Variants in CTNNA3 observed in about 807,000 individuals in gnomAD.
The protein encoded by CTNNA3 is catenin alpha 3, also known as catenin alpha-3.
In CTNNA3, 76 loss-of-function variants were observed where a neutral mutation model predicts 95.7. That is an observed-to-expected ratio of 0.79 (90% CI 0.66 to 0.96). The LOEUF is 0.96. Among genes scored for constraint, CTNNA3 ranks in the 40% least tolerant of loss-of-function variants. The pLI is 0.00. For synonymous variants in CTNNA3, 431 were observed against 374.4 expected, an observed-to-expected ratio of 1.15 and a Z score of -1.74; for missense variants, 1,191 against 1,089.8, an observed-to-expected ratio of 1.09 and a Z score of -1.31.
intron 1 of CTNNA3, among the ~76,000 whole-genome samples, chr10:67,748,474 C>A (rs1371256583): frequency 6.6e-6 from 1 of 152,072 alleles, no homozygotes; most frequent in Non-Finnish European, 1.5e-5. Context: ...AAAAGAATTT[C>A]CAACCCAGAA....
chr10:66,880,361 TA>T (rs1237089011), intron 7 of CTNNA3, among the ~76,000 whole-genome samples: 1 of 152,100 alleles, frequency 6.6e-6, no homozygotes, highest in Non-Finnish European at 1.5e-5. Flanking sequence ...TATCAGAGTG[TA>T]TTCCCCAAGT....
At chr10:66,321,658 CTGAT>C (rs2092187686) in intron 12 of CTNNA3, among the ~76,000 whole-genome samples, 1 of 152,070 alleles carries the variant, frequency 6.6e-6, no homozygotes, top group Non-Finnish European at 1.5e-5. Context: ...TTTCAAAATA[CTGAT>C]TGTTTCCATA....
intron 5 of CTNNA3, among the ~76,000 whole-genome samples, chr10:67,357,514 C>G (rs1485748317): frequency 6.6e-6 from 1 of 151,910 alleles, no homozygotes; most frequent in African/African-American, 2.4e-5. Context: ...GGAAGAAAAC[C>G]TAACAACACA....
intron 13 of CTNNA3, among the ~76,000 whole-genome samples, chr10:66,229,689 G>A (rs1483475508): frequency 3.3e-5 from 5 of 151,768 alleles, no homozygotes; most frequent in Admixed American, 2.6e-4. Flanking sequence ...AGTATAGTTT[G>A]CCTCAGAGGG....
At chr10:67,726,403 TATATC>T (rs1841218960) in intron 1 of CTNNA3, among the ~76,000 whole-genome samples, 2 of 37,526 alleles carry the variant, frequency 5.3e-5, no homozygotes, top group Non-Finnish European at 7.7e-5. Context: ...TATTATATAT[TATATC>T]ATATATAATA....
chr10:67,732,909 C>CAA (rs33910867), intron 1 of CTNNA3, among the ~76,000 whole-genome samples: 44,548 of 130,242 alleles, frequency 0.34, 7,333 homozygotes, highest in African/African-American at 0.58. Context: ...CACACACACA[C>CAA]ACATTCTCTC....
chr10:66,774,393 T>C (rs752912951), intron 8 of CTNNA3, among the ~76,000 whole-genome samples: 3 of 152,200 alleles, frequency 2.0e-5, no homozygotes, highest in Non-Finnish European at 4.4e-5. Flanking sequence ...ACCTGCTTTC[T>C]CATTTGCATC....
rs569983271 is a variant in CTNNA3 at position 66,194,915 on chromosome 10, T to C, written c.1884+85555A>G. On this transcript the variant is annotated intron_variant, in intron 13 of 17. Transcript: ENST00000433211. ...GAATCCCTCAGTATATTTTATGTTATGCAATCAATGCAAAGGAATGAACTT... is the reference window on the plus strand; with the variant it reads ...GAATCCCTCAGTATATTTTATGTTACGCAATCAATGCAAAGGAATGAACTT... Among the ~76,000 whole-genome samples, 18 of 152,340 alleles carry C rather than the reference T, an allele frequency of 1.2e-4. No homozygotes were observed. In the South Asian group the frequency reaches 3.7e-3, roughly 32 times the overall value.
intron 16 of CTNNA3, among the ~76,000 whole-genome samples, chr10:65,976,781 T>C (rs762992460): frequency 1.3e-5 from 2 of 152,172 alleles, no homozygotes; most frequent in African/African-American, 2.4e-5. Flanking sequence ...GCCACTTTTA[T>C]GTATTCAGGT....
chr10:66,778,979 A>C (rs1283151219), intron 7 of CTNNA3, among the ~76,000 whole-genome samples: 5 of 152,176 alleles, frequency 3.3e-5, no homozygotes, highest in Admixed American at 6.5e-5. Flanking sequence ...CATATCAAAA[A>C]ACATTTAAAT....
At chr10:66,434,394 C>A (rs1384042042) in intron 11 of CTNNA3, among the ~76,000 whole-genome samples, 1 of 152,074 alleles carries the variant, frequency 6.6e-6, no homozygotes. Context: ...GTATTTTATT[C>A]TCTTTCTAGC....
chr10:67,364,461 G>C (rs1843128761), intron 5 of CTNNA3, among the ~76,000 whole-genome samples: 1 of 152,306 alleles, frequency 6.6e-6, no homozygotes, highest in South Asian at 2.1e-4. Flanking sequence ...AGTGTTGGAA[G>C]TCCTGGCCAG....
chr10:66,604,898 G>A (rs539628164), intron 10 of CTNNA3, among the ~76,000 whole-genome samples: 1 of 151,986 alleles, frequency 6.6e-6, no homozygotes, highest in East Asian at 1.9e-4. Flanking sequence ...AAAAGCCAAA[G>A]TGCCTTTTGT....
chr10:66,113,437 C>T (rs2082194115), intron 13 of CTNNA3, among the ~76,000 whole-genome samples: 1 of 152,090 alleles, frequency 6.6e-6, no homozygotes. Flanking sequence ...AACAGAAAAT[C>T]TATGGTAAGT....
rs2132264578 is a variant in CTNNA3, at chr10:67,219,622, G to A, written c.828C>T (p.Ala276=). The change falls in exon 6 of 18, where the codon GCC becomes GCT. Residue 276 remains alanine, a synonymous_variant. Transcript: ENST00000433211. ...PEPQAATLGS[A]LDELENLIVL... ...CCCGACTTACCTCCAGCTCATCAAGGGCACTTCCCAGGGTTGCTGCCTGAG... is the reference window on the plus strand; with the variant it reads ...CCCGACTTACCTCCAGCTCATCAAGAGCACTTCCCAGGGTTGCTGCCTGAG... 1 of 1,612,828 alleles carries A rather than the reference G, an allele frequency of 6.2e-7. No individual in the cohort carries two copies. Among genetic ancestry groups the A allele is most frequent in the Non-Finnish European group, 8.5e-7 (1 of 1,179,186 alleles).
At chr10:66,504,598 G>A (rs1681225030) in intron 11 of CTNNA3, among the ~76,000 whole-genome samples, 2 of 152,154 alleles carry the variant, frequency 1.3e-5, no homozygotes. Context: ...GGAACGTGCT[G>A]TGTGGCAAGG....
chr10:67,102,346 A>AG (rs1858389712), intron 7 of CTNNA3, among the ~76,000 whole-genome samples: 1 of 101,504 alleles, frequency 9.9e-6, no homozygotes, highest in African/African-American at 5.7e-5. Context: ...AAAACCAAGC[A>AG]AACACACACA....
chr10:65,942,005 GT>G (rs2077438149), intron 17 of CTNNA3, among the ~76,000 whole-genome samples: 2 of 152,114 alleles, frequency 1.3e-5, no homozygotes, highest in African/African-American at 4.8e-5. Context: ...ACCTGTTTTG[GT>G]TTTTTGTTTG....
At chr10:66,701,896 C>G (rs1847955187) in intron 9 of CTNNA3, among the ~76,000 whole-genome samples, 1 of 151,956 alleles carries the variant, frequency 6.6e-6, no homozygotes, top group South Asian at 2.1e-4. Context: ...CACCTTATAC[C>G]CATAGACTGA....
Sources: allele counts gnomAD v4.1 joint callset (sites outside exome capture counted in the v4.1 genomes callset), GRCh38; gene constraint gnomAD v4.1.1; transcripts MANE v1.5; gene names NCBI Gene and HGNC (gene_info 2026-07-23, HGNC 2026-07-21).